CEP152: variants seen among roughly 807,000 people sequenced by gnomAD.
CEP152 encodes the protein centrosomal protein of 152 kDa.
Under a neutral mutation model 188.9 loss-of-function variants are expected in CEP152, and 132 were observed. The observed-to-expected ratio is 0.70, with a 90% CI of 0.61 to 0.81. CEP152 has a LOEUF of 0.81. Among genes scored for constraint, CEP152 ranks in the 30% least tolerant of loss-of-function variants. The probability of loss-of-function intolerance (pLI) is 0.00; values close to 1 mark genes in which losing one functional copy is unlikely to be tolerated. For missense variants in CEP152, 1,914 were observed against 1,969.8 expected (o/e 0.97, Z 0.54); for synonymous variants, 649 against 666.6 (o/e 0.97, Z 0.41).
chr15:48,738,524 T>C lies in CEP152; in HGVS notation c.4858A>G (p.Thr1620Ala), dbSNP rs760602003. 6.2e-7 allele frequency: 1 copy of C among 1,614,220 alleles called. No homozygotes were observed. The highest frequency in any genetic ancestry group is 8.5e-7 in the Non-Finnish European group (1 of 1,180,026). ...TGACAAATCATATTACTTTCCTCTG[T>C]ATCTGAAAGATAACCGGATGGTGAA... ...QFSPSGYLSDTEESNMICQTM... is the reference protein window; with the variant it reads ...QFSPSGYLSDAEESNMICQTM... Residue 1620 changes from threonine (T) to alanine (A), a missense_variant, in exon 27 of 27, where the codon ACA (threonine) becomes GCA (alanine). Coordinates refer to ENST00000380950, the MANE Select transcript of CEP152 (RefSeq NM_001194998.2).
intron 6 of CEP152, among the ~76,000 whole-genome samples, chr15:48,794,192 T>C (rs1340532135): frequency 1.3e-5 from 2 of 151,934 alleles, no homozygotes; most frequent in Non-Finnish European, 2.9e-5. Flanking sequence ...GAATACATAA[T>C]TTAAAAAAAA....
At chr15:48,750,963 A>C (rs1167227615) in intron 21 of CEP152, among the ~76,000 whole-genome samples, 1 of 152,188 alleles carries the variant, frequency 6.6e-6, no homozygotes, top group African/African-American at 2.4e-5. Flanking sequence ...CCTGGTTGCT[A>C]GGCTTCATAA....
At chr15:48,760,959 G>A (rs1439417817) in intron 18 of CEP152, among the ~76,000 whole-genome samples, 1 of 151,990 alleles carries the variant, frequency 6.6e-6, no homozygotes, top group Non-Finnish European at 1.5e-5. Context: ...TGTATTTCTC[G>A]TTAAAGTGCT....
At chr15:48,759,475 T>G (rs1894521615) in intron 19 of CEP152, among the ~76,000 whole-genome samples, 1 of 152,232 alleles carries the variant, frequency 6.6e-6, no homozygotes, top group African/African-American at 2.4e-5. Flanking sequence ...TGAATTAAAA[T>G]GAATTCTATT....
intron 24 of CEP152, 113 bp downstream of exon 24, chr15:48,744,127 G>C (rs1319483114): frequency 6.7e-7 from 1 of 1,499,538 alleles, no homozygotes; most frequent in African/African-American, 1.4e-5. Flanking sequence ...TGAAGAAAAA[G>C]GTAATTTGGA....
At chr15:48,790,019 A>T (rs1298823756) in intron 8 of CEP152, among the ~76,000 whole-genome samples, 2 of 152,266 alleles carry the variant, frequency 1.3e-5, no homozygotes, top group African/African-American at 4.8e-5. Flanking sequence ...ATAACCTTTT[A>T]CTACATAAAG....
chr15:48,779,768 G>A (rs1896131383), intron 12 of CEP152, among the ~76,000 whole-genome samples: 1 of 152,242 alleles, frequency 6.6e-6, no homozygotes, highest in Admixed American at 6.5e-5. Flanking sequence ...AGCAGGAAAT[G>A]AGGCATTCAC....
chr15:48,798,616 AC>A (rs531162417), intron 2 of CEP152, among the ~76,000 whole-genome samples: 2 of 152,326 alleles, frequency 1.3e-5, no homozygotes, highest in South Asian at 4.1e-4. Flanking sequence ...GATACATAAT[AC>A]CCTGCTCTCA....
chr15:48,768,315 GTTTC>G lies in CEP152; in HGVS notation c.1918_1921del (p.Glu640LeufsTer5), dbSNP rs776871724. ...ATTTGTATTTCTCAGTTTTCCTTCA[GTTTC>G]TTTAAGTTCCTAGACACAAAAGAAT... On this transcript the variant is annotated frameshift_variant, in exon 15 of 27. Transcript: ENST00000380950. LOFTEE classifies it high-confidence loss of function. The G allele has an allele frequency of 3.2e-6, 5 of 1,565,392 alleles. No homozygotes were observed. The South Asian group carries it at 3.3e-5, about 10-fold the overall frequency.
chr15:48,749,286 CA>C (rs1376090174), intron 21 of CEP152, among the ~76,000 whole-genome samples: 1 of 151,810 alleles, frequency 6.6e-6, no homozygotes, highest in African/African-American at 2.4e-5. Context: ...TGCTTAGTGC[CA>C]ACTGGGATAA....
In CEP152 at chr15:48,752,332, G is replaced by T. The variant is rs1317457524; in HGVS notation, c.3466+17C>A. On this transcript the variant is annotated intron_variant, in intron 21 of 26. Transcript: ENST00000380950. Reference sequence around the variant, plus strand: ...TTATGGATGCTACAAAGACTGGTGGGAACAAAATCCAATTACCAGCTTCTG... The same window carrying T: ...TTATGGATGCTACAAAGACTGGTGGTAACAAAATCCAATTACCAGCTTCTG... The T allele has an allele frequency of 3.1e-6, 5 of 1,613,886 alleles. No individual in the cohort carries two copies. The highest frequency in any genetic ancestry group is 4.2e-6 in the Non-Finnish European group (5 of 1,180,010).
intron 8 of CEP152, among the ~76,000 whole-genome samples, chr15:48,789,600 TTAAAA>T (rs1002820100): frequency 6.6e-6 from 1 of 152,214 alleles, no homozygotes; most frequent in Non-Finnish European, 1.5e-5. Flanking sequence ...TTAGATTGCC[TTAAAA>T]TAAGGTGAGT....
At chr15:48,752,158 A>G (rs550762047) in intron 21 of CEP152, among the ~76,000 whole-genome samples, 191 bp downstream of exon 21, 44 of 152,362 alleles carry the variant, frequency 2.9e-4, no homozygotes, top group African/African-American at 1.0e-3. Context: ...AGGGAAAACC[A>G]TAAATAGAAG....
At chr15:48,792,016 C>CG (rs1365046251) in intron 7 of CEP152, among the ~76,000 whole-genome samples, 1 of 151,714 alleles carries the variant, frequency 6.6e-6, no homozygotes, top group Non-Finnish European at 1.5e-5. Context: ...TTTTTTGAAA[C>CG]GGAGTTTCGC....
chr15:48,735,997 G>A (rs997150001), downstream of CEP152, among the ~76,000 whole-genome samples: 3 of 152,158 alleles, frequency 2.0e-5, no homozygotes, highest in Non-Finnish European at 4.4e-5. Context: ...AAAGGATTAT[G>A]AGAATACTAT....
intron 12 of CEP152, among the ~76,000 whole-genome samples, chr15:48,778,282 A>G (rs946227692): frequency 2.0e-5 from 3 of 152,210 alleles, no homozygotes; most frequent in African/African-American, 4.8e-5. Flanking sequence ...AAAGCAGCCC[A>G]AGTCAACAAA....
rs369568094 is a variant in CEP152, at chr15:48,781,326, G to C, written c.1447C>G (p.Leu483Val). ...CCTAGTTTTGCAGCAGATTCATAGAGAGAAATTTCATCTTTTAGTTCTGTT... is the reference window on the plus strand; with the variant it reads ...CCTAGTTTTGCAGCAGATTCATAGACAGAAATTTCATCTTTTAGTTCTGTT... ...ELTELKDEISLYESAAKLGIH... is the reference protein window; with the variant it reads ...ELTELKDEISVYESAAKLGIH... Residue 483 changes from leucine (L) to valine (V), a missense_variant, in exon 12 of 27, where the codon CTC (leucine) becomes GTC (valine). Leu to Val is a conservative substitution (Grantham distance 32). Coordinates refer to ENST00000380950, the MANE Select transcript of CEP152 (RefSeq NM_001194998.2). The C allele has an allele frequency of 1.2e-6, 2 of 1,610,374 alleles. No individual in the cohort carries two copies. The highest frequency in any genetic ancestry group is 2.7e-5 in the African/African-American group (2 of 74,822).
At chr15:48,757,309 A>T (rs1339287345) in intron 19 of CEP152, among the ~76,000 whole-genome samples, 2 of 152,200 alleles carry the variant, frequency 1.3e-5, no homozygotes, top group African/African-American at 4.8e-5. Flanking sequence ...CAATTTCCTC[A>T]TCTATAAAAT....
intron 8 of CEP152, 117 bp downstream of exon 8, chr15:48,791,120 T>C (rs1285878697): frequency 8.3e-6 from 7 of 846,632 alleles, no homozygotes; most frequent in African/African-American, 1.7e-5. Context: ...GAAATTTAAG[T>C]TCTAATGCTT....
Sources: allele counts gnomAD v4.1 joint callset (sites outside exome capture counted in the v4.1 genomes callset), GRCh38; gene constraint gnomAD v4.1.1; transcripts MANE v1.5; gene names NCBI Gene and HGNC (gene_info 2026-07-23, HGNC 2026-07-21).